The following DAB1 variants were observed in gnomAD, a reference collection of about 807,000 sequenced individuals.
DAB1 encodes disabled homolog 1.
In DAB1, 15 loss-of-function variants were observed where a neutral mutation model predicts 64.6. The observed-to-expected ratio is 0.23, with a 90% CI of 0.16 to 0.36. The LOEUF (loss-of-function observed/expected upper bound fraction) is 0.36. Among genes scored for constraint, DAB1 ranks in the 10% least tolerant of loss-of-function variants. The probability of loss-of-function intolerance (pLI) is 1.00; values close to 1 mark genes in which losing one functional copy is unlikely to be tolerated. For missense variants in DAB1, 596 were observed against 706.7 expected, an observed-to-expected ratio of 0.84 and a Z score of 1.78; for synonymous variants, 235 against 251.9, an observed-to-expected ratio of 0.93 and a Z score of 0.64.
chr1:57,780,155 G>A (rs1032922161), intron 6 of DAB1, among the ~76,000 whole-genome samples: 1 of 151,940 alleles, frequency 6.6e-6, no homozygotes, highest in Non-Finnish European at 1.5e-5. Context: ...AACACTTGGA[G>A]GTTCCATCTC....
At chr1:58,538,885 T>C (rs777701822) in intron 1 of DAB1, 3 of 872,862 alleles carry the variant, frequency 3.4e-6, no homozygotes, top group Admixed American at 1.7e-5. Context: ...TGGAGAAGTA[T>C]GGAAATTCCT....
intron 5 of DAB1, chr1:58,048,374 C>T: frequency 2.1e-6 from 2 of 961,202 alleles, no homozygotes; most frequent in South Asian, 2.6e-5. Context: ...TCCACCACCT[C>T]CAAAACTGCT....
chr1:58,026,299 G>T (rs1017316251), intron 5 of DAB1, among the ~76,000 whole-genome samples: 2 of 152,188 alleles, frequency 1.3e-5, no homozygotes, highest in African/African-American at 2.4e-5. Flanking sequence ...AGGCTGAGCA[G>T]CACAGTGCAT....
intron 4 of DAB1, among the ~76,000 whole-genome samples, chr1:58,248,361 A>T (rs1660648319): frequency 6.6e-6 from 1 of 152,192 alleles, no homozygotes. Context: ...ATTCAGAATC[A>T]GCTAATGTCA....
chr1:57,521,544 C>A (rs1182422506), intron 7 of DAB1, among the ~76,000 whole-genome samples: 1 of 152,036 alleles, frequency 6.6e-6, no homozygotes, highest in Non-Finnish European at 1.5e-5. Flanking sequence ...AGAGTCAAAT[C>A]TCTGTTTTAA....
At chr1:58,235,020 T>C (rs1303524080) in intron 4 of DAB1, among the ~76,000 whole-genome samples, 1 of 152,258 alleles carries the variant, frequency 6.6e-6, no homozygotes, top group Non-Finnish European at 1.5e-5. Context: ...TTAGAATCTA[T>C]TCGTGGCCTT....
At position 58,397,759 on chromosome 1, in the gene DAB1, G is replaced by A. The variant is rs553583736; in HGVS notation, n.258-54356C>T. Among the ~76,000 whole-genome samples the A allele has an allele frequency of 2.3e-4, 35 of 152,150 alleles. 1 individual carries two copies. Among genetic ancestry groups the A allele is most frequent in the Admixed American group, 5.2e-4 (8 of 15,282 alleles). On this transcript the variant is annotated intron_variant and non_coding_transcript_variant, in intron 3 of 20. Transcript: ENST00000485760. ...CCCCTTTATTGCTCCCCACCACCCC[G>A]CATCAAAGTATTCACCACGTCCTGT... is the stretch of plus-strand genomic sequence containing the variant.
intron 7 of DAB1, among the ~76,000 whole-genome samples, chr1:57,509,240 C>T (rs781194619): frequency 7.2e-5 from 11 of 152,116 alleles, no homozygotes; most frequent in South Asian, 2.1e-4. Flanking sequence ...TAGCCTATAA[C>T]ACATGCTCAA....
intron 5 of DAB1, among the ~76,000 whole-genome samples, chr1:57,920,951 C>A (rs1557557106): frequency 6.6e-6 from 1 of 151,978 alleles, no homozygotes; most frequent in Admixed American, 6.5e-5. Flanking sequence ...GGTATTTATT[C>A]TACAGATCTA....
intron 7 of DAB1, among the ~76,000 whole-genome samples, chr1:57,522,091 C>T (rs894171006): frequency 1.3e-5 from 2 of 151,160 alleles, no homozygotes; most frequent in African/African-American, 2.5e-5. Flanking sequence ...GCCTGGGCGA[C>T]AGAGCGAGAC....
At chr1:57,372,318 C>T (rs373786263) in intron 1 of DAB1, among the ~76,000 whole-genome samples, 45 of 152,208 alleles carry the variant, frequency 3.0e-4, no homozygotes, top group African/African-American at 1.0e-3. Flanking sequence ...TTGTGGGGCC[C>T]GCTATTTAAG....
chr1:58,460,709 G>A (rs1314190979), intron 3 of DAB1, among the ~76,000 whole-genome samples: 1 of 152,116 alleles, frequency 6.6e-6, no homozygotes, highest in African/African-American at 2.4e-5. Flanking sequence ...CTCTGACTGG[G>A]CTCCACCCAG....
chr1:57,620,614 G>C (rs1361388836), intron 7 of DAB1, among the ~76,000 whole-genome samples: 1 of 152,192 alleles, frequency 6.6e-6, no homozygotes, highest in Non-Finnish European at 1.5e-5. Context: ...GAGATAAGAG[G>C]TACCCAACAT....
rs377178065 is a variant in DAB1, at chr1:57,233,875, C to G, written c.67+57089G>C. 5.1e-4 allele frequency among the ~76,000 whole-genome samples: 78 copies of G among 152,168 alleles called. 1 individual carries two copies. In the South Asian group the frequency reaches 0.014, roughly 27 times the overall value. ...TGGAGGTGAGTGGGGAGGTAGGGCACTGGGAGCTGATTCATAAACTGAAAG... is the reference window on the plus strand; with the variant it reads ...TGGAGGTGAGTGGGGAGGTAGGGCAGTGGGAGCTGATTCATAAACTGAAAG... On this transcript the variant is annotated intron_variant, in intron 2 of 14. Coordinates refer to ENST00000371236, the MANE Select transcript of DAB1 (RefSeq NM_001365792.1).
intron 5 of DAB1, among the ~76,000 whole-genome samples, chr1:57,986,741 A>G (rs1340779373): frequency 1.3e-5 from 2 of 152,130 alleles, no homozygotes; most frequent in Non-Finnish European, 2.9e-5. Context: ...CTTGAGACTA[A>G]CTCCAAAGCC....
chr1:58,390,765 C>T (rs1198476145), intron 3 of DAB1, among the ~76,000 whole-genome samples: 1 of 152,182 alleles, frequency 6.6e-6, no homozygotes, highest in Non-Finnish European at 1.5e-5. Flanking sequence ...ATGAGGCAGG[C>T]TTTCTATTGT....
chr1:57,188,036 G>A (rs756133868), intron 2 of DAB1, among the ~76,000 whole-genome samples: 5 of 152,194 alleles, frequency 3.3e-5, no homozygotes, highest in Non-Finnish European at 5.9e-5. Flanking sequence ...TGGAACATAG[G>A]AAAGATGCAA....
At chr1:58,178,785 G>C (rs1044200525) in intron 4 of DAB1, among the ~76,000 whole-genome samples, 3 of 152,134 alleles carry the variant, frequency 2.0e-5, no homozygotes, top group African/African-American at 7.2e-5. Flanking sequence ...TTTGTGGGCT[G>C]TACACAAACT....
At chr1:57,407,863 G>A (rs1683780727) in intron 1 of DAB1, among the ~76,000 whole-genome samples, 1 of 151,500 alleles carries the variant, frequency 6.6e-6, no homozygotes, top group South Asian at 2.1e-4. Flanking sequence ...CTAGAGTGTG[G>A]ATTTACCTAG....
Sources: allele counts gnomAD v4.1 joint callset (sites outside exome capture counted in the v4.1 genomes callset), GRCh38; gene constraint gnomAD v4.1.1; transcripts MANE v1.5; gene names NCBI Gene and HGNC (gene_info 2026-07-23, HGNC 2026-07-21).